RPRD2: variants seen among roughly 807,000 people sequenced by gnomAD.
RPRD2 encodes regulation of nuclear pre-mRNA domain-containing protein 2.
In RPRD2, 12 loss-of-function variants were observed where a neutral mutation model predicts 104.4. The observed-to-expected ratio is 0.11, with a 90% CI of 0.07 to 0.19. The LOEUF is 0.19. Ranked by LOEUF, RPRD2 falls within the 10% of genes least tolerant of loss-of-function variation. RPRD2 has a pLI of 1.00. For missense variants in RPRD2, 1,543 were observed against 1,790.1 expected (o/e 0.86, Z 2.49); for synonymous variants, 714 against 684.9 (o/e 1.04, Z -0.66).
At chr1:150,417,874 C>CA (rs1664464489) in intron 2 of RPRD2, 149 bp downstream of exon 2, 1 of 479,442 alleles carries the variant, frequency 2.1e-6, no homozygotes, top group South Asian at 6.9e-5. Context: ...CTTGTTAACA[C>CA]ACGTTTTTCT....
rs1044890086 is a variant in RPRD2 at position 150,471,076 on chromosome 1, C to T, written c.2128C>T (p.Arg710Cys). 4.3e-6 allele frequency: 7 copies of T among 1,613,882 alleles called. No homozygotes were observed. Among genetic ancestry groups the T allele is most frequent in the African/African-American group, 1.3e-5 (1 of 74,932 alleles). ...PSESHPSDFQ[R>C]GPTSTSIDNI... ...AGAGAGCCATCCCTCAGACTTCCAG[C>T]GTGGCCCTACTAGCACCTCAATCGA... Residue 710 changes from arginine (R) to cysteine (C), a missense_variant, in exon 11 of 11, where the codon CGT becomes TGT. Arg to Cys is a radical substitution (Grantham distance 180). Around this residue, in one of 4 missense-constraint regions of RPRD2, gnomAD observed 572 missense variants for 787.3 expected, o/e 0.73. Coordinates refer to ENST00000369068, the MANE Select transcript of RPRD2 (RefSeq NM_015203.5). The surrounding 1 kb of genome is among the most constrained non-coding windows in gnomAD (Gnocchi z 5.3).
rs1242913727 is a variant in RPRD2 at position 150,446,287 on chromosome 1, A to G, written c.756A>G (p.Glu252=). The G allele has an allele frequency of 1.9e-6, 3 of 1,610,218 alleles. No homozygotes were observed. Among genetic ancestry groups the G allele is most frequent in the Non-Finnish European group, 2.5e-6 (3 of 1,179,082 alleles). Residue 252 remains glutamate (E), a synonymous_variant, in exon 7 of 11, where the codon GAA becomes GAG. Transcript: ENST00000369068. ...EFEEASSKLE[E]FVNGLDKQVK... The stretch of plus-strand genomic sequence containing the variant: ...AAGAGGCAAGCTCCAAGCTGGAAGA[A>G]TTTGTGAATGGATTAGATAAGCAGG...
chr1:150,441,224 G>A (rs782609836), intron 3 of RPRD2: 15 of 446,432 alleles, frequency 3.4e-5, no homozygotes, highest in South Asian at 1.2e-4. Context: ...GGATGGGGTC[G>A]GATTTTGTTT....
At chr1:150,414,108 C>G (rs1553888140) in intron 1 of RPRD2, among the ~76,000 whole-genome samples, 1 of 151,850 alleles carries the variant, frequency 6.6e-6, no homozygotes. Context: ...GCTCAGGGTG[C>G]CTCGGAGACT....
chr1:150,431,473 A>ATTTT lies in RPRD2; in HGVS notation c.336-9429_336-9426dup, dbSNP rs1160491386. On this transcript the variant is annotated intron_variant, in intron 2 of 10. Coordinates refer to ENST00000369068, the MANE Select transcript of RPRD2 (RefSeq NM_015203.5). ...TATTATTCAGTCTTAAAAAGGAAGG[A>ATTTT]TTTTTTTTTTTTTTTTTTTTTTTTG... 3.9e-4 allele frequency among the ~76,000 whole-genome samples: 31 copies of ATTTT among 78,838 alleles called. 1 individual carries two copies. The highest frequency in any genetic ancestry group is 9.9e-4 in the African/African-American group (22 of 22,322). 51.7% of individuals were successfully genotyped at this position (78,838 alleles called of 152,430 possible). A position where few individuals can be genotyped will look rare whatever the true frequency, so the allele number is the denominator to read the frequency against.
chr1:150,468,702 C>A (rs1668433586), intron 10 of RPRD2, among the ~76,000 whole-genome samples: 2 of 152,062 alleles, frequency 1.3e-5, no homozygotes, highest in African/African-American at 4.8e-5. Context: ...CATGGTGAGA[C>A]CTTGTCTCTA....
chr1:150,393,656 G>A (rs1662269930), intron 1 of RPRD2, among the ~76,000 whole-genome samples: 1 of 152,058 alleles, frequency 6.6e-6, no homozygotes, highest in South Asian at 2.1e-4. Flanking sequence ...AATAGTAGTG[G>A]GATGGCATGA....
chr1:150,375,990 A>C (rs1660654478), intron 1 of RPRD2, among the ~76,000 whole-genome samples: 1 of 152,222 alleles, frequency 6.6e-6, no homozygotes, highest in Non-Finnish European at 1.5e-5. Context: ...CACTGGAGGA[A>C]TGTACATCTT....
intron 7 of RPRD2, 21 bp from the exon 8 acceptor site, chr1:150,457,267 A>G (rs1553897761): frequency 1.3e-6 from 2 of 1,595,694 alleles, no homozygotes; most frequent in Non-Finnish European, 1.7e-6. Context: ...CCAAGGAGTA[A>G]ACTCCTTTTT....
chr1:150,416,273 TGAA>T (rs1322408931), intron 1 of RPRD2, among the ~76,000 whole-genome samples: 20 of 138,432 alleles, frequency 1.4e-4, no homozygotes, highest in Admixed American at 1.3e-3. Flanking sequence ...CTGGAATTGA[TGAA>T]GAATTGAGTA....
At chr1:150,467,667 C>A (rs935700833) in intron 10 of RPRD2, among the ~76,000 whole-genome samples, 4 of 152,100 alleles carry the variant, frequency 2.6e-5, no homozygotes, top group African/African-American at 4.8e-5. Context: ...AACCACCGTG[C>A]CTGGCCGATG....
intron 1 of RPRD2, among the ~76,000 whole-genome samples, chr1:150,385,626 A>G (rs1326628623): frequency 6.6e-6 from 1 of 152,190 alleles, no homozygotes; most frequent in Non-Finnish European, 1.5e-5. Context: ...TGGCTTTGCC[A>G]TGTCCTTTGA....
intron 2 of RPRD2, among the ~76,000 whole-genome samples, chr1:150,436,179 A>G (rs1665977747): frequency 6.6e-6 from 1 of 151,908 alleles, no homozygotes; most frequent in African/African-American, 2.4e-5. Flanking sequence ...CTGTTCATTG[A>G]CAATGCACCC....
intron 2 of RPRD2, among the ~76,000 whole-genome samples, chr1:150,431,735 C>G (rs1259482625): frequency 1.3e-5 from 2 of 151,972 alleles, no homozygotes; most frequent in Admixed American, 1.3e-4. Context: ...CCCATGTCAG[C>G]CTCCCAAAGT....
chr1:150,468,365 A>G (rs1459945012), intron 10 of RPRD2, among the ~76,000 whole-genome samples: 3 of 152,016 alleles, frequency 2.0e-5, no homozygotes, highest in South Asian at 2.1e-4. Context: ...AAAAAAAAAA[A>G]AGATTGGAGA....
chr1:150,424,636 AGTT>A (rs1560190841), intron 2 of RPRD2, among the ~76,000 whole-genome samples: 1 of 152,174 alleles, frequency 6.6e-6, no homozygotes, highest in Non-Finnish European at 1.5e-5. Flanking sequence ...AGTCCAGAGC[AGTT>A]AAGATACCAC....
At chr1:150,400,477 G>C (rs959268064) in intron 1 of RPRD2, among the ~76,000 whole-genome samples, 1 of 152,150 alleles carries the variant, frequency 6.6e-6, no homozygotes, top group African/African-American at 2.4e-5. Context: ...ATCATCAGGC[G>C]TTGTTCTTAT....
At chr1:150,434,241 A>C (rs1017714939) in intron 2 of RPRD2, among the ~76,000 whole-genome samples, 3 of 152,162 alleles carry the variant, frequency 2.0e-5, no homozygotes, top group African/African-American at 7.2e-5. Flanking sequence ...TTGTAATCCC[A>C]GCTGCTGGGG....
Position 150,364,818 on chromosome 1 carries a change from C to A in RPRD2, c.104C>A (p.Thr35Asn). 1 of 1,613,908 alleles carries A rather than the reference C, an allele frequency of 6.2e-7. No individual in the cohort carries two copies. The highest frequency in any genetic ancestry group is 8.5e-7 in the Non-Finnish European group (1 of 1,179,820). ...TTGGATCGAAAATTCCAGTCGGTAACCAACACCATGGAGTCCATTCAAGGC... is the reference window on the plus strand; with the variant it reads ...TTGGATCGAAAATTCCAGTCGGTAAACAACACCATGGAGTCCATTCAAGGC... The part of the protein sequence containing the change: ...SSLDRKFQSV[T>N]NTMESIQGLS... Residue 35 changes from threonine to asparagine, a missense_variant, in exon 1 of 11, where the codon ACC becomes AAC. Thr to Asn is a moderately conservative substitution (Grantham distance 65). Coordinates refer to ENST00000369068, the MANE Select transcript of RPRD2 (RefSeq NM_015203.5).
Sources: allele counts gnomAD v4.1 joint callset (sites outside exome capture counted in the v4.1 genomes callset), GRCh38; gene constraint gnomAD v4.1.1; regional missense constraint gnomAD v4.1.1; non-coding constraint Gnocchi (gnomAD v3.1); transcripts MANE v1.5; gene names NCBI Gene and HGNC (gene_info 2026-07-23, HGNC 2026-07-21).